The following DCLK1 variants were observed in gnomAD, a reference collection of about 807,000 sequenced individuals.
DCLK1 encodes the protein doublecortin like kinase 1, also known as serine/threonine-protein kinase DCLK1.
Under a neutral mutation model 86.2 loss-of-function variants are expected in DCLK1, and 16 were observed. The observed-to-expected ratio is 0.19, with a 90% CI of 0.13 to 0.28. DCLK1 has a LOEUF of 0.28. DCLK1 is among the 10% of genes least tolerant of loss of function. DCLK1 has a pLI of 1.00. For missense variants in DCLK1, 590 were observed against 940.2 expected, an observed-to-expected ratio of 0.63 and a Z score of 4.87; for synonymous variants, 369 against 370.5, an observed-to-expected ratio of 1.00 and a Z score of 0.05.
At chr13:36,129,178 G>A (rs181704212) in intron 1 of DCLK1, among the ~76,000 whole-genome samples, 4 of 152,318 alleles carry the variant, frequency 2.6e-5, no homozygotes, top group Admixed American at 2.6e-4. Context: ...TCTGTTACCA[G>A]AAAGAGTGCA....
chr13:36,024,425 A>G, intron 3 of DCLK1, among the ~76,000 whole-genome samples: 1 of 152,234 alleles, frequency 6.6e-6, no homozygotes, highest in Admixed American at 6.5e-5. Flanking sequence ...AATCAACTGT[A>G]TTTCTATAAA....
chr13:36,039,920 TTTAAAC>T (rs1882642178), intron 3 of DCLK1, among the ~76,000 whole-genome samples: 1 of 152,026 alleles, frequency 6.6e-6, no homozygotes, highest in Non-Finnish European at 1.5e-5. Context: ...TCTTTTTAAA[TTTAAAC>T]TTAATTTTTT....
intron 3 of DCLK1, among the ~76,000 whole-genome samples, chr13:36,025,773 C>T (rs975560360): frequency 3.3e-5 from 5 of 152,016 alleles, no homozygotes; most frequent in Non-Finnish European, 7.4e-5. Flanking sequence ...GCTTTTACCA[C>T]CATGATTAAG....
intron 3 of DCLK1, among the ~76,000 whole-genome samples, chr13:35,968,313 G>A (rs1878885169): frequency 6.6e-6 from 1 of 152,180 alleles, no homozygotes; most frequent in South Asian, 2.1e-4. Context: ...ATGGATGATG[G>A]TGGTGGTTGC....
In DCLK1 at chr13:36,112,229, A is replaced by T; in HGVS notation, c.377-14T>A. The T allele has an allele frequency of 6.7e-7, 1 of 1,492,838 alleles. No homozygotes were observed. The highest frequency in any genetic ancestry group is 9.0e-7 in the Non-Finnish European group (1 of 1,111,858). 92.5% of individuals were successfully genotyped at this position (1,492,838 alleles called of 1,614,324 possible). Reference sequence around the variant, plus strand: ...CATAACTCTCTCCTAAGGAAGAGAGAAATATATTTAAATTTATACTAAAAT... The same window carrying T: ...CATAACTCTCTCCTAAGGAAGAGAGTAATATATTTAAATTTATACTAAAAT... On this transcript the variant is annotated splice_polypyrimidine_tract_variant and intron_variant, in intron 2 of 16. Coordinates refer to ENST00000360631, the MANE Select transcript of DCLK1 (RefSeq NM_001330071.2).
chr13:36,088,273 C>T (rs377551704), intron 3 of DCLK1, among the ~76,000 whole-genome samples: 11 of 152,300 alleles, frequency 7.2e-5, no homozygotes, highest in Admixed American at 1.3e-4. Flanking sequence ...GGAAAACTCC[C>T]TCTGCAGCTG....
At chr13:35,917,744 C>A (rs1213153535) in intron 4 of DCLK1, among the ~76,000 whole-genome samples, 5 of 149,918 alleles carry the variant, frequency 3.3e-5, no homozygotes, top group South Asian at 4.3e-4. Context: ...GGTAACGTGG[C>A]ATTTTCAAAA....
At chr13:36,117,669 AC>A (rs1885837173) in intron 2 of DCLK1, among the ~76,000 whole-genome samples, 1 of 152,238 alleles carries the variant, frequency 6.6e-6, no homozygotes. Context: ...ACAAGCACAC[AC>A]AACATTAACA....
intron 4 of DCLK1, among the ~76,000 whole-genome samples, chr13:35,900,075 T>C (rs1478056785): frequency 6.6e-6 from 1 of 152,154 alleles, no homozygotes; most frequent in East Asian, 1.9e-4. Flanking sequence ...TTACAGGAAT[T>C]AAGTCAAGTT....
chr13:36,056,893 C>CAAAAAAAAA (rs766434117), intron 3 of DCLK1, among the ~76,000 whole-genome samples: 1 of 101,400 alleles, frequency 9.9e-6, no homozygotes, highest in African/African-American at 3.8e-5. Context: ...AAGACTGTGA[C>CAAAAAAAAA]AAAAAAAAAA....
intron 2 of DCLK1, among the ~76,000 whole-genome samples, chr13:36,120,652 G>GA (rs549414430): frequency 7.7e-6 from 1 of 130,304 alleles, no homozygotes; most frequent in Non-Finnish European, 1.6e-5. Context: ...ATATTTAAAA[G>GA]AAAAAAAATT....
intron 16 of DCLK1, among the ~76,000 whole-genome samples, chr13:35,785,102 C>G (rs1427340485): frequency 1.3e-5 from 2 of 152,124 alleles, no homozygotes; most frequent in Non-Finnish European, 2.9e-5. Flanking sequence ...GCTCACCTCC[C>G]CATTTTATCT....
At chr13:36,089,152 G>T (rs1884726641) in intron 3 of DCLK1, among the ~76,000 whole-genome samples, 1 of 152,132 alleles carries the variant, frequency 6.6e-6, no homozygotes, top group Non-Finnish European at 1.5e-5. Flanking sequence ...TTCGGAAGCG[G>T]TTTTAATTTT....
At chr13:35,896,912 T>C (rs1470021894) in intron 4 of DCLK1, among the ~76,000 whole-genome samples, 1 of 152,112 alleles carries the variant, frequency 6.6e-6, no homozygotes, top group African/African-American at 2.4e-5. Flanking sequence ...TGGAGGCTCA[T>C]AGCACAGGGA....
At chr13:36,068,002 A>C (rs534889483) in intron 3 of DCLK1, among the ~76,000 whole-genome samples, 2 of 152,230 alleles carry the variant, frequency 1.3e-5, no homozygotes, top group Non-Finnish European at 2.9e-5. Flanking sequence ...ACGCACATGT[A>C]TAAGTGTTCA....
chr13:36,083,453 C>T (rs2138117609), intron 3 of DCLK1, among the ~76,000 whole-genome samples: 1 of 152,294 alleles, frequency 6.6e-6, no homozygotes, highest in South Asian at 2.1e-4. Context: ...GCATTCACTA[C>T]ACAATGATAA....
At chr13:36,067,658 T>G (rs1419842023) in intron 3 of DCLK1, among the ~76,000 whole-genome samples, 1 of 152,120 alleles carries the variant, frequency 6.6e-6, no homozygotes, top group African/African-American at 2.4e-5. Flanking sequence ...ACTAAGGCCT[T>G]AAGCAGCCCT....
rs138848363 is a variant in DCLK1, at chr13:35,965,923, G to A, written c.724-18466C>T. Reference sequence around the variant, plus strand: ...ATTCCAAAGAGAGGAGGGCCACAGGGAGAGTTCCTAGACATTTGAAACAAG... The same window carrying A: ...ATTCCAAAGAGAGGAGGGCCACAGGAAGAGTTCCTAGACATTTGAAACAAG... On this transcript the variant is annotated intron_variant, in intron 3 of 16. Coordinates refer to ENST00000360631, the MANE Select transcript of DCLK1 (RefSeq NM_001330071.2). Among the ~76,000 whole-genome samples, 423 of 152,328 alleles carry A rather than the reference G, an allele frequency of 2.8e-3. 2 individuals carry two copies. The highest frequency in any genetic ancestry group is 0.027 in the Middle Eastern group (8 of 294).
At chr13:35,942,269 T>A (rs547559328) in intron 4 of DCLK1, among the ~76,000 whole-genome samples, 1 of 152,084 alleles carries the variant, frequency 6.6e-6, no homozygotes, top group African/African-American at 2.4e-5. Context: ...CGGGTTCAAG[T>A]GATTCTCCTG....
Sources: allele counts gnomAD v4.1 joint callset (sites outside exome capture counted in the v4.1 genomes callset), GRCh38; gene constraint gnomAD v4.1.1; transcripts MANE v1.5; gene names NCBI Gene and HGNC (gene_info 2026-07-23, HGNC 2026-07-21).